The following PTPRD variants were observed in gnomAD, a reference collection of about 807,000 sequenced individuals.
PTPRD encodes the protein receptor-type tyrosine-protein phosphatase delta.
PTPRD carries 34 observed loss-of-function variants against 214.5 expected under a neutral mutation model. That is an observed-to-expected ratio of 0.16 (90% CI 0.12 to 0.21). The LOEUF (loss-of-function observed/expected upper bound fraction) is 0.21, where lower values mean the gene tolerates loss of function less well. PTPRD is among the 10% of genes least tolerant of loss of function. The probability of loss-of-function intolerance (pLI) is 1.00; values close to 1 mark genes in which losing one functional copy is unlikely to be tolerated. For missense variants in PTPRD, 2,545 were observed against 2,398.7 expected (o/e 1.06, Z -1.27); for synonymous variants, 1,128 against 845.7 (o/e 1.33, Z -5.79).
chr9:10,072,075 A>T (rs2098031684), intron 3 of PTPRD, among the ~76,000 whole-genome samples: 1 of 151,976 alleles, frequency 6.6e-6, no homozygotes, highest in South Asian at 2.1e-4. Flanking sequence ...TTAAACATAG[A>T]CTGGGAGAAT....
rs985830026 is a variant in PTPRD at position 9,521,206 on chromosome 9, T to C, written c.-237+53526A>G. 1.1e-4 allele frequency among the ~76,000 whole-genome samples: 17 copies of C among 152,252 alleles called. 1 individual carries two copies. Among genetic ancestry groups the C allele is most frequent in the Middle Eastern group, 3.4e-3 (1 of 294 alleles). ...TCCCTCACCCCTGACCCCATGTGTG[T>C]ACTGAACAAAGTCGCTACAGCAGAA... On this transcript the variant is annotated intron_variant, in intron 8 of 45. Transcript: ENST00000381196.
intron 11 of PTPRD, among the ~76,000 whole-genome samples, chr9:8,948,454 T>TATATATTC (rs2099080728): frequency 7.9e-5 from 1 of 12,738 alleles, no homozygotes; most frequent in Non-Finnish European, 2.2e-4. Flanking sequence ...TATATATATT[T>TATATATTC]ATATATATAT....
intron 2 of PTPRD, among the ~76,000 whole-genome samples, chr9:10,479,302 T>C (rs1013868268): frequency 2.6e-5 from 4 of 152,096 alleles, no homozygotes; most frequent in African/African-American, 4.8e-5. Context: ...TGCAGAGCAT[T>C]AGCCAATCTT....
chr9:8,636,285 TA>T (rs1349187827), intron 13 of PTPRD, among the ~76,000 whole-genome samples: 1 of 152,120 alleles, frequency 6.6e-6, no homozygotes, highest in East Asian at 1.9e-4. Context: ...TGGCTTAAAT[TA>T]AGTAGGCTAC....
intron 11 of PTPRD, among the ~76,000 whole-genome samples, chr9:8,890,350 T>C (rs1256818076): frequency 4.6e-5 from 7 of 152,216 alleles, no homozygotes; most frequent in African/African-American, 1.7e-4. Context: ...TACTACTGTT[T>C]TCCATCTCAC....
intron 11 of PTPRD, among the ~76,000 whole-genome samples, chr9:8,929,780 G>GTGTATATATATGTGTGTATATATATGT (rs1272978143): frequency 1.2e-5 from 1 of 82,422 alleles, no homozygotes; most frequent in African/African-American, 5.8e-5. Context: ...TATATATATG[G>GTGTATATATATGTGTGTATATATATGT]GTGTGTATAT....
chr9:10,009,121 C>A (rs10117811), intron 4 of PTPRD, among the ~76,000 whole-genome samples: 11 of 151,892 alleles, frequency 7.2e-5, no homozygotes, highest in Non-Finnish European at 1.5e-4. Flanking sequence ...TAAATTAATG[C>A]AATTCTGTTG....
Position 10,427,492 on chromosome 9 carries a change from C to G in PTPRD, c.-599-86475G>C, listed in dbSNP as rs190986169. The stretch of plus-strand genomic sequence containing the variant: ...AGCCATCTTTAAACTACTTAGTAAG[C>G]ATTACTCCAGATGGCCCATCGGCAG... On this transcript the variant is annotated intron_variant, in intron 2 of 45. Coordinates refer to ENST00000381196, the MANE Select transcript of PTPRD (RefSeq NM_002839.4). Among the ~76,000 whole-genome samples the G allele has an allele frequency of 3.1e-3, 471 of 152,134 alleles. 3 individuals are homozygous for G. Among genetic ancestry groups the G allele is most frequent in the Non-Finnish European group, 2.4e-3 (164 of 67,976 alleles).
At chr9:10,226,556 G>C (rs2154352889) in intron 3 of PTPRD, among the ~76,000 whole-genome samples, 1 of 152,128 alleles carries the variant, frequency 6.6e-6, no homozygotes, top group African/African-American at 2.4e-5. Context: ...TTCCCCAAAA[G>C]CTCAACTTGC....
chr9:10,177,919 A>G (rs922664751), intron 3 of PTPRD, among the ~76,000 whole-genome samples: 8 of 151,980 alleles, frequency 5.3e-5, no homozygotes, highest in Non-Finnish European at 1.0e-4. Context: ...AATATAAGGT[A>G]CCAGAAATAG....
Position 8,460,464 on chromosome 9 carries a change from G to C in PTPRD, c.3822C>G (p.Val1274=), listed in dbSNP as rs759236338. The change falls in exon 33 of 46, where the codon GTC becomes GTG. Residue 1274 remains valine (V), a synonymous_variant. Coordinates refer to ENST00000381196, the MANE Select transcript of PTPRD (RefSeq NM_002839.4). ...EEGLIWVVGP[V]LAVVFIICIV... is the part of the protein sequence containing the mutation. ...TGCAGATGATAAAGACCACTGCAAG[G>C]ACAGGACCTACAACCCAGATCAAGC... 1 of 1,613,508 alleles carries C rather than the reference G, an allele frequency of 6.2e-7. No individual in the cohort carries two copies. The highest frequency in any genetic ancestry group is 8.5e-7 in the Non-Finnish European group (1 of 1,179,644).
chr9:9,917,375 C>T (rs1476795724), intron 5 of PTPRD, among the ~76,000 whole-genome samples: 4 of 121,118 alleles, frequency 3.3e-5, no homozygotes, highest in Admixed American at 8.9e-5. Flanking sequence ...CAATGGAGAT[C>T]ACAGGAATAC....
intron 3 of PTPRD, among the ~76,000 whole-genome samples, chr9:10,241,156 C>G (rs2090962899): frequency 6.6e-6 from 1 of 151,882 alleles, no homozygotes. Context: ...AGATACTACT[C>G]TGTACTGATT....
chr9:9,655,869 T>G (rs1295650694), intron 7 of PTPRD, among the ~76,000 whole-genome samples: 2 of 151,140 alleles, frequency 1.3e-5, no homozygotes, highest in Non-Finnish European at 2.9e-5. Flanking sequence ...TCCGAGATAC[T>G]CAGGAGACTG....
chr9:9,797,451 G>C (rs1472241792), intron 5 of PTPRD, among the ~76,000 whole-genome samples: 2 of 151,736 alleles, frequency 1.3e-5, no homozygotes, highest in African/African-American at 2.4e-5. Flanking sequence ...TGGAAAATAA[G>C]GAAAACATCA....
chr9:9,463,465 T>A (rs1589106752), intron 8 of PTPRD, among the ~76,000 whole-genome samples: 1 of 151,848 alleles, frequency 6.6e-6, no homozygotes, highest in Non-Finnish European at 1.5e-5. Flanking sequence ...AGCAAGCACA[T>A]ATGAGCAAGC....
intron 10 of PTPRD, among the ~76,000 whole-genome samples, chr9:9,138,008 T>C (rs1451651574): frequency 2.0e-5 from 3 of 152,148 alleles, no homozygotes; most frequent in Non-Finnish European, 4.4e-5. Context: ...TAGTTACTTG[T>C]TGAAAATGAT....
intron 10 of PTPRD, among the ~76,000 whole-genome samples, chr9:9,087,707 G>A (rs913489431): frequency 1.7e-4 from 26 of 151,998 alleles, no homozygotes; most frequent in African/African-American, 6.0e-4. Flanking sequence ...TCAAGGCTCA[G>A]GGAGCTTGTA....
intron 36 of PTPRD, 111 bp from the exon 37 acceptor site, chr9:8,389,518 G>A (rs1212253286): frequency 5.4e-6 from 4 of 736,636 alleles, no homozygotes; most frequent in African/African-American, 1.8e-5. Context: ...CACTAGAGAA[G>A]TCACAATATA....
Sources: allele counts gnomAD v4.1 joint callset (sites outside exome capture counted in the v4.1 genomes callset), GRCh38; gene constraint gnomAD v4.1.1; transcripts MANE v1.5; gene names NCBI Gene and HGNC (gene_info 2026-07-23, HGNC 2026-07-21).